Variants in NKAIN2 observed in about 807,000 individuals in gnomAD.
NKAIN2 encodes sodium/potassium-transporting ATPase subunit beta-1-interacting protein 2.
Under a neutral mutation model 32.6 loss-of-function variants are expected in NKAIN2, and 14 were observed. The ratio of observed to expected loss-of-function variants is 0.43; its 90% CI spans 0.28 to 0.67. The LOEUF (loss-of-function observed/expected upper bound fraction) is 0.67. Ranked by LOEUF, NKAIN2 falls within the 30% of genes least tolerant of loss-of-function variation. NKAIN2 has a pLI of 0.17. For synonymous variants in NKAIN2, 80 were observed against 87.2 expected, an observed-to-expected ratio of 0.92 and a Z score of 0.46; for missense variants, 198 against 258.3, an observed-to-expected ratio of 0.77 and a Z score of 1.60.
intron 1 of NKAIN2, among the ~76,000 whole-genome samples, chr6:123,931,149 G>A (rs974097160): frequency 2.0e-5 from 3 of 151,584 alleles, no homozygotes; most frequent in East Asian, 3.9e-4. Context: ...TTAACTCACC[G>A]AGACCATCAA....
chr6:124,183,545 G>T (rs1789559934), intron 1 of NKAIN2, among the ~76,000 whole-genome samples: 1 of 151,968 alleles, frequency 6.6e-6, no homozygotes, highest in South Asian at 2.1e-4. Flanking sequence ...TTTATATTTA[G>T]TAATGATGGA....
chr6:124,636,870 T>C (rs1783791256), intron 3 of NKAIN2, among the ~76,000 whole-genome samples: 1 of 152,036 alleles, frequency 6.6e-6, no homozygotes. Flanking sequence ...AGGAAGGAAT[T>C]CTTTCTAGCT....
At chr6:124,023,732 T>G (rs1270559534) in intron 1 of NKAIN2, among the ~76,000 whole-genome samples, 2 of 152,200 alleles carry the variant, frequency 1.3e-5, no homozygotes, top group Non-Finnish European at 2.9e-5. Context: ...TTTTATTTAT[T>G]TTGCCAAGCA....
At position 123,891,865 on chromosome 6, in the gene NKAIN2, A is replaced by C. The variant is rs374228758; in HGVS notation, c.54+87611A>C. On this transcript the variant is annotated intron_variant, in intron 1 of 6. Coordinates refer to ENST00000368417, the MANE Select transcript of NKAIN2 (RefSeq NM_001040214.3). ...AATAGATACTAAAATAGAGATGAAA[A>C]TAGCCTTATTATTGGTTGTCAAGCA... Among the ~76,000 whole-genome samples the C allele has an allele frequency of 7.2e-5, 11 of 152,318 alleles. No individual in the cohort carries two copies. The East Asian group carries it at 1.5e-3, about 21-fold the overall frequency.
chr6:124,556,604 A>G (rs751263813), intron 3 of NKAIN2, among the ~76,000 whole-genome samples: 2 of 152,206 alleles, frequency 1.3e-5, no homozygotes, highest in Admixed American at 6.5e-5. Context: ...CCCAGCCCCT[A>G]GAAACATGAG....
intron 4 of NKAIN2, among the ~76,000 whole-genome samples, chr6:124,764,220 T>C (rs543021994): frequency 2.0e-5 from 3 of 146,792 alleles, no homozygotes; most frequent in Non-Finnish European, 4.5e-5. Context: ...AACATTTCTC[T>C]TTAAAGTAAA....
intron 2 of NKAIN2, among the ~76,000 whole-genome samples, chr6:124,350,004 C>G (rs962703591): frequency 2.0e-5 from 3 of 152,122 alleles, no homozygotes; most frequent in Non-Finnish European, 4.4e-5. Context: ...GACAATATCT[C>G]AAAGTTTCTG....
intron 3 of NKAIN2, among the ~76,000 whole-genome samples, chr6:124,585,667 A>G (rs1781686774): frequency 6.6e-6 from 1 of 152,238 alleles, no homozygotes; most frequent in African/African-American, 2.4e-5. Flanking sequence ...CACCTGTGAC[A>G]AATTAGCATA....
chr6:124,113,973 A>G (rs1785498270), intron 1 of NKAIN2, among the ~76,000 whole-genome samples: 1 of 152,146 alleles, frequency 6.6e-6, no homozygotes, highest in Non-Finnish European at 1.5e-5. Context: ...TTGTATGATT[A>G]GTTTTGTAGG....
intron 1 of NKAIN2, among the ~76,000 whole-genome samples, chr6:124,015,309 G>A (rs778433926): frequency 1.3e-5 from 2 of 152,146 alleles, no homozygotes; most frequent in Non-Finnish European, 2.9e-5. Flanking sequence ...CCATAACTGA[G>A]TTCTCACCAA....
At chr6:124,237,990 A>G (rs371013561) in intron 1 of NKAIN2, among the ~76,000 whole-genome samples, 142 of 152,264 alleles carry the variant, frequency 9.3e-4, no homozygotes, top group African/African-American at 3.4e-3. Flanking sequence ...GTATAGCACA[A>G]GAGAACTAAC....
chr6:123,900,471 C>A lies in NKAIN2; in HGVS notation c.54+96217C>A, dbSNP rs9372765. 8.5e-4 allele frequency among the ~76,000 whole-genome samples: 100 copies of A among 117,342 alleles called. No homozygotes were observed. In the East Asian group the frequency reaches 0.025, roughly 29 times the overall value. 77.0% of individuals were successfully genotyped at this position (117,342 alleles called of 152,430 possible). A position where few individuals can be genotyped will look rare whatever the true frequency, so the allele number is the denominator to read the frequency against. On this transcript the variant is annotated intron_variant, in intron 1 of 6. Coordinates refer to ENST00000368417, the MANE Select transcript of NKAIN2 (RefSeq NM_001040214.3). Reference sequence around the variant, plus strand: ...CTGGTGACAGAGCGAGACTCTGTCTCAAAAAATAATAATAATAAAAGAAAA... The same window carrying A: ...CTGGTGACAGAGCGAGACTCTGTCTAAAAAAATAATAATAATAAAAGAAAA...
intron 3 of NKAIN2, among the ~76,000 whole-genome samples, chr6:124,616,437 C>CTTTT (rs79406895): frequency 1.4e-5 from 1 of 70,466 alleles, no homozygotes; most frequent in Non-Finnish European, 2.6e-5. Context: ...TCTTTTCTTT[C>CTTTT]TTTTTTTTTT....
chr6:124,763,090 TA>T (rs1424174549), intron 4 of NKAIN2, among the ~76,000 whole-genome samples: 2 of 152,188 alleles, frequency 1.3e-5, no homozygotes, highest in Non-Finnish European at 2.9e-5. Context: ...ACGCAGAATC[TA>T]AAAAAGTTGA....
chr6:124,098,162 C>T (rs1022713921), intron 1 of NKAIN2, among the ~76,000 whole-genome samples: 4 of 152,114 alleles, frequency 2.6e-5, no homozygotes, highest in Non-Finnish European at 4.4e-5. Context: ...ACTAAATGGT[C>T]TTTATTGTTC....
At chr6:124,119,937 C>A (rs746380904) in intron 1 of NKAIN2, among the ~76,000 whole-genome samples, 3 of 152,022 alleles carry the variant, frequency 2.0e-5, no homozygotes, top group South Asian at 2.1e-4. Context: ...GTATACCTGG[C>A]CTGCTTTGTT....
intron 1 of NKAIN2, among the ~76,000 whole-genome samples, chr6:124,027,003 G>T (rs958742163): frequency 2.6e-5 from 4 of 152,056 alleles, no homozygotes; most frequent in Non-Finnish European, 4.4e-5. Flanking sequence ...CTTCCCTGGG[G>T]CTCCCTCCTA....
chr6:124,511,483 C>G (rs1455233721), intron 3 of NKAIN2, among the ~76,000 whole-genome samples: 1 of 152,076 alleles, frequency 6.6e-6, no homozygotes, highest in Non-Finnish European at 1.5e-5. Context: ...AAATTATTCC[C>G]TTTATCGAGT....
At chr6:123,942,214 A>G (rs1313175378) in intron 1 of NKAIN2, among the ~76,000 whole-genome samples, 1 of 152,040 alleles carries the variant, frequency 6.6e-6, no homozygotes, top group African/African-American at 2.4e-5. Context: ...AAAATTGAGC[A>G]TATTGGAACA....
Sources: allele counts gnomAD v4.1 joint callset (sites outside exome capture counted in the v4.1 genomes callset), GRCh38; gene constraint gnomAD v4.1.1; transcripts MANE v1.5; gene names NCBI Gene and HGNC (gene_info 2026-07-23, HGNC 2026-07-21).